The following LHFPL3 variants were observed in gnomAD, a reference collection of about 807,000 sequenced individuals.
The protein encoded by LHFPL3 is LHFPL tetraspan subfamily member 3.
Under a neutral mutation model 19.3 loss-of-function variants are expected in LHFPL3, and 5 were observed. That is an observed-to-expected ratio of 0.26 (90% CI 0.14 to 0.54). The LOEUF (loss-of-function observed/expected upper bound fraction) is 0.54. Among genes scored for constraint, LHFPL3 ranks in the 20% least tolerant of loss-of-function variants. LHFPL3 has a pLI of 0.94. For missense variants in LHFPL3, 249 were observed against 307.4 expected (o/e 0.81, Z 1.42); for synonymous variants, 133 against 126.2 (o/e 1.05, Z -0.36).
intron 2 of LHFPL3, among the ~76,000 whole-genome samples, chr7:104,788,054 C>G (rs1382777829): frequency 1.3e-5 from 2 of 152,136 alleles, no homozygotes; most frequent in African/African-American, 2.4e-5. Context: ...ACAACCTATC[C>G]CTAGTGGTTC....
intron 1 of LHFPL3, among the ~76,000 whole-genome samples, chr7:104,607,818 T>G (rs1791132499): frequency 6.6e-6 from 1 of 151,728 alleles, no homozygotes; most frequent in African/African-American, 2.4e-5. Flanking sequence ...ACAACCCCAT[T>G]AACAAGTGGG....
intron 2 of LHFPL3, among the ~76,000 whole-genome samples, chr7:104,893,963 A>G (rs547220503): frequency 2.6e-5 from 4 of 152,262 alleles, no homozygotes; most frequent in South Asian, 4.1e-4. Context: ...AAAAAAAAAA[A>G]AAATGCTATT....
chr7:104,898,045 T>C (rs2116721341), intron 2 of LHFPL3, among the ~76,000 whole-genome samples: 1 of 136,542 alleles, frequency 7.3e-6, no homozygotes, highest in African/African-American at 2.9e-5. Context: ...AGTCTCACTC[T>C]GTTGCCCAGG....
At chr7:104,680,527 T>C (rs916680822) in intron 1 of LHFPL3, among the ~76,000 whole-genome samples, 3 of 152,164 alleles carry the variant, frequency 2.0e-5, no homozygotes, top group African/African-American at 7.2e-5. Flanking sequence ...TATCAAGCCC[T>C]ACCATTTCCT....
chr7:104,696,746 G>C (rs1243666452), intron 1 of LHFPL3, among the ~76,000 whole-genome samples: 1 of 152,162 alleles, frequency 6.6e-6, no homozygotes, highest in Non-Finnish European at 1.5e-5. Flanking sequence ...CCTGGCAAAA[G>C]GGGTGTCTTC....
At chr7:104,402,388 C>T (rs1002032091) in intron 1 of LHFPL3, among the ~76,000 whole-genome samples, 1 of 152,166 alleles carries the variant, frequency 6.6e-6, no homozygotes, top group East Asian at 1.9e-4. Context: ...GGGCTTTTGA[C>T]GATTGATTTT....
intron 1 of LHFPL3, among the ~76,000 whole-genome samples, chr7:104,427,951 C>T (rs2116548982): frequency 6.6e-6 from 1 of 152,224 alleles, no homozygotes; most frequent in Non-Finnish European, 1.5e-5. Context: ...AATATGAAAG[C>T]TGAGATTACA....
intron 1 of LHFPL3, among the ~76,000 whole-genome samples, chr7:104,453,679 G>A (rs192659612): frequency 2.9e-4 from 44 of 151,906 alleles, no homozygotes; most frequent in Admixed American, 1.4e-3. Flanking sequence ...TTGGAGGTGG[G>A]GCCCGGTGGG....
At chr7:104,491,861 C>T (rs1250092632) in intron 1 of LHFPL3, among the ~76,000 whole-genome samples, 2 of 152,154 alleles carry the variant, frequency 1.3e-5, no homozygotes, top group East Asian at 1.9e-4. Flanking sequence ...ATGACCAACA[C>T]AGAACACAAA....
chr7:104,578,729 C>A (rs929933700), intron 1 of LHFPL3, among the ~76,000 whole-genome samples: 17 of 152,084 alleles, frequency 1.1e-4, no homozygotes, highest in South Asian at 2.1e-4. Flanking sequence ...GTAAGGACCA[C>A]TATACCCCTT....
chr7:104,557,602 T>C (rs889675284), intron 1 of LHFPL3, among the ~76,000 whole-genome samples: 18 of 152,218 alleles, frequency 1.2e-4, no homozygotes, highest in Non-Finnish European at 2.1e-4. Context: ...CATATCAGCA[T>C]CCCTGCCTGT....
At position 104,863,735 on chromosome 7, in the gene LHFPL3, G is replaced by A. The variant is rs1459089912; in HGVS notation, c.683-42452G>A. ...CAGGTAACTGACTCAGCCTTGCACA[G>A]TGAGTCACTGGCTGGGCCAGTATTT... On this transcript the variant is annotated intron_variant, in intron 2 of 2. Transcript: ENST00000424859. 3.3e-5 allele frequency among the ~76,000 whole-genome samples: 5 copies of A among 152,212 alleles called. No individual in the cohort carries two copies. The East Asian group carries it at 9.6e-4, about 29-fold the overall frequency.
intron 1 of LHFPL3, among the ~76,000 whole-genome samples, chr7:104,579,488 G>A (rs1042263944): frequency 6.6e-6 from 1 of 152,102 alleles, no homozygotes; most frequent in South Asian, 2.1e-4. Flanking sequence ...CAAAGAATAT[G>A]GTTTCATTCT....
intron 1 of LHFPL3, among the ~76,000 whole-genome samples, chr7:104,440,552 T>G (rs560361613): frequency 6.6e-6 from 1 of 152,032 alleles, no homozygotes; most frequent in Non-Finnish European, 1.5e-5. Context: ...ACCCTAGAAC[T>G]TAAAGTATAA....
chr7:104,831,251 A>G (rs147274883), intron 2 of LHFPL3, among the ~76,000 whole-genome samples: 5 of 151,944 alleles, frequency 3.3e-5, no homozygotes, highest in South Asian at 2.1e-4. Flanking sequence ...TATGCATAAT[A>G]TGATACTGAA....
At chr7:104,559,935 A>T (rs1453204332) in intron 1 of LHFPL3, among the ~76,000 whole-genome samples, 2 of 149,816 alleles carry the variant, frequency 1.3e-5, no homozygotes, top group Non-Finnish European at 2.9e-5. Context: ...CTATTGAGAT[A>T]ATCATGTGGT....
chr7:104,814,597 C>T (rs1790529883), intron 2 of LHFPL3, among the ~76,000 whole-genome samples: 1 of 152,092 alleles, frequency 6.6e-6, no homozygotes, highest in Non-Finnish European at 1.5e-5. Flanking sequence ...GGGGACCTGC[C>T]CCGTTCCACC....
At chr7:104,755,581 AC>A (rs750787198) in intron 2 of LHFPL3, among the ~76,000 whole-genome samples, 87 of 111,678 alleles carry the variant, frequency 7.8e-4, no homozygotes, top group Non-Finnish European at 1.0e-3. Context: ...CCCCAACACC[AC>A]CACACACACA....
chr7:104,841,021 G>T (rs753787872), intron 2 of LHFPL3, among the ~76,000 whole-genome samples: 1 of 152,076 alleles, frequency 6.6e-6, no homozygotes. Flanking sequence ...TGTGAACAAA[G>T]TTCTCCAGTA....
Sources: allele counts gnomAD v4.1 joint callset (sites outside exome capture counted in the v4.1 genomes callset), GRCh38; gene constraint gnomAD v4.1.1; transcripts MANE v1.5; gene names NCBI Gene and HGNC (gene_info 2026-07-23, HGNC 2026-07-21).